The following FKBP15 variants were observed in gnomAD, a reference collection of about 807,000 sequenced individuals.
The protein encoded by FKBP15 is FKBP prolyl isomerase family member 15.
FKBP15 carries 106 observed loss-of-function variants against 158.1 expected under a neutral mutation model. The observed-to-expected ratio is 0.67, with a 90% CI of 0.57 to 0.79. The LOEUF is 0.79. Among genes scored for constraint, FKBP15 ranks in the 30% least tolerant of loss-of-function variants. The pLI is 0.00. For missense variants in FKBP15, 1,287 were observed against 1,479.1 expected (o/e 0.87, Z 2.13); for synonymous variants, 547 against 548.6 (o/e 1.00, Z 0.04).
At position 113,194,044 on chromosome 9, in the gene FKBP15, TGATGTGGGTGG is replaced by T; in HGVS notation, c.979_989del (p.Pro327AsnfsTer15). ...TATCTTACCCTGATTTGAAAGGTAT[TGATGTGGGTGG>T]TGACACAACAGGATCAGCAGAGAGG... On this transcript the variant is annotated frameshift_variant, in exon 10 of 28. Transcript: ENST00000238256. LOFTEE classifies it high-confidence loss of function. 1 of 1,612,704 alleles carries T rather than the reference TGATGTGGGTGG, an allele frequency of 6.2e-7. No individual in the cohort carries two copies. The highest frequency in any genetic ancestry group is 8.5e-7 in the Non-Finnish European group (1 of 1,179,048).
At chr9:113,171,798 C>A in intron 23 of FKBP15, 92 bp from the exon 24 acceptor site, 11 of 834,322 alleles carry the variant, frequency 1.3e-5, no homozygotes, top group African/African-American at 1.9e-5. Context: ...CATCAAGTCT[C>A]TTTTTTTTTT....
chr9:113,210,591 G>A (rs1349688279), intron 2 of FKBP15, among the ~76,000 whole-genome samples: 2 of 152,070 alleles, frequency 1.3e-5, no homozygotes, highest in African/African-American at 4.8e-5. Flanking sequence ...TCGGCCTCCC[G>A]AAGTGATGGC....
chr9:113,204,369 C>T (rs1830850346), intron 4 of FKBP15, among the ~76,000 whole-genome samples: 1 of 152,230 alleles, frequency 6.6e-6, no homozygotes, highest in Non-Finnish European at 1.5e-5. Context: ...CGCCCAGCCT[C>T]TCCATGTCTT....
chr9:113,184,555 C>A lies in FKBP15; in HGVS notation c.1608+140G>T. The A allele has an allele frequency of 1.1e-6, 1 of 923,340 alleles. No homozygotes were observed. The highest frequency in any genetic ancestry group is 2.2e-5 in the Admixed American group (1 of 44,450). The allele number at this position is 923,340 out of a possible 1,614,324, so 57.2% of individuals were successfully genotyped here. On this transcript the variant is annotated intron_variant, in intron 16 of 27. Transcript: ENST00000238256. This position sits in a 1 kb window ranked among gnomAD's most constrained non-coding sequence, Gnocchi z 4.5. The stretch of plus-strand genomic sequence containing the variant: ...TTTTCTCCTACTAACTGGATCCCAA[C>A]ATAATTATAACTATCCTTGTAGGGA...
chr9:113,204,122 G>C (rs1347500216), intron 4 of FKBP15, among the ~76,000 whole-genome samples: 1 of 152,100 alleles, frequency 6.6e-6, no homozygotes, highest in African/African-American at 2.4e-5. Flanking sequence ...TTGTTGCCCA[G>C]GCTGGAGTGC....
chr9:113,181,148 G>C (rs1830388557), intron 19 of FKBP15, among the ~76,000 whole-genome samples: 1 of 152,202 alleles, frequency 6.6e-6, no homozygotes, highest in African/African-American at 2.4e-5. Flanking sequence ...CTATAACACA[G>C]TGGGTTGTGG....
In FKBP15 at chr9:113,161,260, G is replaced by C; in HGVS notation, c.*4818C>G. On this transcript the variant is annotated 3_prime_UTR_variant, in exon 28 of 28. Coordinates refer to ENST00000238256, the MANE Select transcript of FKBP15 (RefSeq NM_015258.2). ...TGCAGCCTGCTGGGGGAGTGGGTGG[G>C]GTAATGGTACGTGGCTTCTTCACCC... 2.0e-6 allele frequency: 1 copy of C among 504,738 alleles called. No individual in the cohort carries two copies. The highest frequency in any genetic ancestry group is 3.5e-6 in the Non-Finnish European group (1 of 285,878). The allele number at this position is 504,738 out of a possible 1,614,324, so 31.3% of individuals were successfully genotyped here. A position where few individuals can be genotyped will look rare whatever the true frequency, so the allele number is the denominator to read the frequency against.
Position 113,221,171 on chromosome 9 carries a change from C to G in FKBP15, c.53+20G>C, listed in dbSNP as rs772818177. The G allele has an allele frequency of 6.2e-7, 1 of 1,600,386 alleles. No homozygotes were observed. The highest frequency in any genetic ancestry group is 2.3e-5 in the East Asian group (1 of 44,166). ...TATCTCTCAGCCACGCCCTCCAGCGCATACTTCTCAGTCACTCACCCGCCG... is the reference window on the plus strand; with the variant it reads ...TATCTCTCAGCCACGCCCTCCAGCGGATACTTCTCAGTCACTCACCCGCCG... On this transcript the variant is annotated intron_variant, in intron 1 of 27. Transcript: ENST00000238256.
intron 12 of FKBP15, 21 bp downstream of exon 12, chr9:113,190,450 A>G (rs991874095): frequency 2.6e-6 from 4 of 1,561,634 alleles, no homozygotes; most frequent in South Asian, 1.2e-5. Context: ...TATTCATTCT[A>G]ATACAGCCAG....
At chr9:113,195,949 CAT>C (rs916370184) in intron 9 of FKBP15, among the ~76,000 whole-genome samples, 47 of 151,968 alleles carry the variant, frequency 3.1e-4, no homozygotes, top group African/African-American at 1.1e-3. Context: ...AATATATGAG[CAT>C]ATATGTGTGT....
At position 113,196,933 on chromosome 9, in the gene FKBP15, C is replaced by T. The variant is rs760108764; in HGVS notation, c.863G>A (p.Arg288Gln). 45 of 1,613,692 alleles carry T rather than the reference C, an allele frequency of 2.8e-5. No homozygotes were observed. The highest frequency in any genetic ancestry group is 1.2e-4 in the Admixed American group (7 of 59,994). ...SILVFEVEVR[R>Q]VKFARDSGSD... ...CAAAACACAGAGAGTTTCACTCACC[C>T]GCCTAACCTCCACCTCGAACACCAG... The change falls in exon 9 of 28, where the codon CGG becomes CAG. Residue 288 changes from arginine to glutamine, a missense_variant and splice_region_variant. By Grantham distance (43) the Arg-to-Gln change is conservative (BLOSUM62 1). Transcript: ENST00000238256.
intron 5 of FKBP15, 107 bp downstream of exon 5, chr9:113,202,854 C>T: frequency 2.1e-6 from 2 of 964,528 alleles, no homozygotes; most frequent in Non-Finnish European, 3.2e-6. Context: ...CACAAGGACA[C>T]CCAGGGCTGA....
chr9:113,174,234 AAAAG>A (rs1223093166), intron 22 of FKBP15, among the ~76,000 whole-genome samples, 190 bp downstream of exon 22: 4 of 152,238 alleles, frequency 2.6e-5, no homozygotes, highest in Admixed American at 6.5e-5. Context: ...AAGCTTTAAA[AAAAG>A]AAAGAAGATT....
At chr9:113,176,175 A>G (rs1211659617) in intron 21 of FKBP15, among the ~76,000 whole-genome samples, 1 of 152,228 alleles carries the variant, frequency 6.6e-6, no homozygotes, top group East Asian at 1.9e-4. Flanking sequence ...GCTACTATGC[A>G]GCAGTTAACT....
At chr9:113,171,747 G>A (rs747044164) in intron 23 of FKBP15, 41 bp from the exon 24 acceptor site, 1 of 1,443,828 alleles carries the variant, frequency 6.9e-7, no homozygotes, top group Admixed American at 2.3e-5. Context: ...TCAGGAACCA[G>A]GTGAAGGTCA....
chr9:113,204,399 G>A (rs145100900), intron 4 of FKBP15, among the ~76,000 whole-genome samples: 16 of 152,302 alleles, frequency 1.1e-4, no homozygotes, highest in African/African-American at 2.6e-4. Flanking sequence ...ACAGACATTC[G>A]TTTCCCTCAA....
intron 1 of FKBP15, among the ~76,000 whole-genome samples, chr9:113,218,191 C>T (rs11790511): frequency 0.11 from 16,519 of 151,738 alleles, 1,237 homozygotes; most frequent in Non-Finnish European, 0.15. Flanking sequence ...TGACATCAAA[C>T]ATCCATTTCA....
rs778256296 is a variant in FKBP15, at chr9:113,202,579, C to A, written c.450G>T (p.Trp150Cys). 2 of 1,584,288 alleles carry A rather than the reference C, an allele frequency of 1.3e-6. No individual in the cohort carries two copies. The highest frequency in any genetic ancestry group is 1.7e-6 in the Non-Finnish European group (2 of 1,164,084). Reference sequence around the variant, plus strand: ...CCTTTTCCGACTCAAACATGATGGACCAGTTCTGTCTCTGGTCATCATAAA... The same window carrying A: ...CCTTTTCCGACTCAAACATGATGGAACAGTTCTGTCTCTGGTCATCATAAA... Reference protein sequence around the residue: ...STFYDDQRQNWSIMFESEKAA... With the variant: ...STFYDDQRQNCSIMFESEKAA... Residue 150 changes from tryptophan (W) to cysteine (C), a missense_variant, in exon 6 of 28, where the codon TGG (tryptophan) becomes TGT (cysteine). Coordinates refer to ENST00000238256, the MANE Select transcript of FKBP15 (RefSeq NM_015258.2).
intron 9 of FKBP15, 30 bp downstream of exon 9, chr9:113,196,902 A>T (rs1564174670): frequency 6.2e-7 from 1 of 1,609,556 alleles, no homozygotes. Context: ...CAGAGGACTC[A>T]TCAAACAAAA....
Sources: gnomAD v4.1 joint callset for allele counts (sites outside exome capture counted in the v4.1 genomes callset) on GRCh38, gnomAD v4.1.1 for gene constraint, Gnocchi (gnomAD v3.1) non-coding constraint, MANE v1.5 for transcripts, NCBI Gene and HGNC (gene_info 2026-07-23, HGNC 2026-07-21) for gene names.